The following NRG1 variants were observed in gnomAD, a reference collection of about 807,000 sequenced individuals.
NRG1 encodes pro-neuregulin-1, membrane-bound isoform.
A neutral mutation model predicts 63.8 loss-of-function variants in NRG1; 18 were observed. That is an observed-to-expected ratio of 0.28 (90% CI 0.19 to 0.42). The LOEUF is 0.42. Ranked by LOEUF, NRG1 falls within the 10% of genes least tolerant of loss-of-function variation. The pLI is 1.00. For synonymous variants in NRG1, 302 were observed against 301.3 expected (o/e 1.00, Z -0.02); for missense variants, 762 against 814.7 (o/e 0.94, Z 0.79).
chr8:31,969,026 T>C (rs1051760022), intron 1 of NRG1, among the ~76,000 whole-genome samples: 1 of 152,176 alleles, frequency 6.6e-6, no homozygotes, highest in Non-Finnish European at 1.5e-5. Context: ...TTTTCAACCA[T>C]GGTAGTCTAA....
intron 5 of NRG1, among the ~76,000 whole-genome samples, chr8:32,653,023 A>G (rs751990389): frequency 6.6e-6 from 1 of 152,218 alleles, no homozygotes; most frequent in Non-Finnish European, 1.5e-5. Flanking sequence ...GTTCTACTAC[A>G]GCATAAACTA....
At chr8:31,911,635 T>G (rs749419082) in intron 1 of NRG1, among the ~76,000 whole-genome samples, 13 of 152,172 alleles carry the variant, frequency 8.5e-5, no homozygotes, top group Non-Finnish European at 1.8e-4. Flanking sequence ...CTAGGCTTAA[T>G]ACATTGGGTG....
chr8:31,849,786 T>A (rs1009243593), intron 1 of NRG1, among the ~76,000 whole-genome samples: 9 of 152,128 alleles, frequency 5.9e-5, no homozygotes, highest in Admixed American at 5.2e-4. Context: ...GTTTGCTGGG[T>A]CTCCCTGAAA....
intron 1 of NRG1, among the ~76,000 whole-genome samples, chr8:32,118,610 C>T (rs762283001): frequency 3.9e-5 from 6 of 152,178 alleles, no homozygotes; most frequent in South Asian, 4.1e-4. Flanking sequence ...TTCCTATGTG[C>T]GAGGAACTGT....
intron 1 of NRG1, among the ~76,000 whole-genome samples, chr8:31,836,911 C>T (rs1323134055): frequency 2.0e-5 from 3 of 152,044 alleles, no homozygotes; most frequent in African/African-American, 7.2e-5. Context: ...AATCTGTAAT[C>T]TCTATGCCTT....
Position 32,169,144 on chromosome 8 carries a change from C to T in NRG1, c.38-426684C>T, listed in dbSNP as rs558574070. 2.8e-4 allele frequency among the ~76,000 whole-genome samples: 43 copies of T among 152,276 alleles called. No individual in the cohort carries two copies. The South Asian group carries it at 7.1e-3, about 25-fold the overall frequency. On this transcript the variant is annotated intron_variant, in intron 1 of 10. Coordinates refer to the NRG1 transcript ENST00000519301. ...ATGTAGAGTTGATGGGTACATCACA[C>T]ACCCATCTAGAAAAGAGCATCTCAG... is the stretch of plus-strand genomic sequence containing the variant.
chr8:32,358,122 C>T (rs1356949618), intron 1 of NRG1, among the ~76,000 whole-genome samples: 2 of 152,054 alleles, frequency 1.3e-5, no homozygotes, highest in Non-Finnish European at 2.9e-5. Context: ...TTTTAGCTTT[C>T]CTGCATTCCT....
At chr8:32,515,094 G>A (rs1010689852) in intron 1 of NRG1, among the ~76,000 whole-genome samples, 2 of 152,038 alleles carry the variant, frequency 1.3e-5, no homozygotes, top group Non-Finnish European at 2.9e-5. Context: ...AAGTGTGTGT[G>A]TCTTTTTGGT....
At chr8:32,052,642 ACAAAAT>A (rs1306020003) in intron 1 of NRG1, among the ~76,000 whole-genome samples, 3 of 152,180 alleles carry the variant, frequency 2.0e-5, no homozygotes, top group Non-Finnish European at 4.4e-5. Flanking sequence ...GAGTGGGCAA[ACAAAAT>A]CAAAGCAAGT....
At chr8:32,163,461 G>A (rs1839064709) in intron 1 of NRG1, among the ~76,000 whole-genome samples, 1 of 152,118 alleles carries the variant, frequency 6.6e-6, no homozygotes, top group African/African-American at 2.4e-5. Context: ...AAAAACACAA[G>A]CATCAATGTT....
intron 5 of NRG1, among the ~76,000 whole-genome samples, chr8:32,700,585 G>A (rs1196573333): frequency 6.6e-6 from 1 of 152,086 alleles, no homozygotes; most frequent in African/African-American, 2.4e-5. Context: ...AATAAATCCT[G>A]GTTTTGCTTG....
At chr8:32,260,497 C>G (rs1850245350) in intron 1 of NRG1, among the ~76,000 whole-genome samples, 1 of 152,166 alleles carries the variant, frequency 6.6e-6, no homozygotes, top group South Asian at 2.1e-4. Context: ...CTGACATTCT[C>G]CCTTCATCCT....
chr8:31,786,071 A>C (rs1820140241), intron 1 of NRG1, among the ~76,000 whole-genome samples: 1 of 152,212 alleles, frequency 6.6e-6, no homozygotes, highest in Non-Finnish European at 1.5e-5. Context: ...AATTAATTTG[A>C]AAAAGCCCAC....
chr8:31,793,951 T>C (rs1329603802), intron 1 of NRG1, among the ~76,000 whole-genome samples: 2 of 152,110 alleles, frequency 1.3e-5, no homozygotes, highest in Admixed American at 1.3e-4. Context: ...CCTTCCTTCT[T>C]TCTTTCATTT....
At chr8:31,837,201 C>T (rs988495681) in intron 1 of NRG1, among the ~76,000 whole-genome samples, 4 of 151,744 alleles carry the variant, frequency 2.6e-5, no homozygotes, top group African/African-American at 9.7e-5. Context: ...AGTTGTTTGC[C>T]TTTTTCACTT....
chr8:31,769,456 C>T (rs1232344082), intron 1 of NRG1, among the ~76,000 whole-genome samples: 1 of 152,186 alleles, frequency 6.6e-6, no homozygotes, highest in African/African-American at 2.4e-5. Context: ...TTGTCAGCTA[C>T]TAGAACTATG....
At chr8:32,505,625 G>A (rs750309026) in intron 1 of NRG1, among the ~76,000 whole-genome samples, 3 of 152,162 alleles carry the variant, frequency 2.0e-5, no homozygotes, top group African/African-American at 4.8e-5. Flanking sequence ...AAGAGAAAGC[G>A]AGCTGAGACC....
chr8:32,375,146 A>G (rs376833883), intron 1 of NRG1, among the ~76,000 whole-genome samples: 955 of 46,020 alleles, frequency 0.021, 3 homozygotes, highest in Middle Eastern at 0.04. Flanking sequence ...CCACACCTGG[A>G]TATAGTTTTT....
At chr8:32,033,811 T>A (rs1490673042) in intron 1 of NRG1, among the ~76,000 whole-genome samples, 7 of 152,356 alleles carry the variant, frequency 4.6e-5, no homozygotes, top group Non-Finnish European at 1.5e-5. Flanking sequence ...GTCCTGAGAC[T>A]TTGCTGAAGT....
Sources: gnomAD v4.1 joint callset for allele counts (sites outside exome capture counted in the v4.1 genomes callset) on GRCh38, gnomAD v4.1.1 for gene constraint, MANE v1.5 for transcripts, NCBI Gene and HGNC (gene_info 2026-07-23, HGNC 2026-07-21) for gene names.